Variants in ZNF280C observed in about 807,000 individuals in gnomAD.
ZNF280C encodes the protein suppressor of hairy wing homolog 3.
In ZNF280C, 14 loss-of-function variants were observed where a neutral mutation model predicts 53.6. That is an observed-to-expected ratio of 0.26 (90% CI 0.17 to 0.41). The LOEUF (loss-of-function observed/expected upper bound fraction) is 0.41. Ranked by LOEUF, ZNF280C falls within the 10% of genes least tolerant of loss-of-function variation. The pLI is 1.00. For synonymous variants in ZNF280C, 203 were observed against 181.1 expected, an observed-to-expected ratio of 1.12 and a Z score of -0.97; for missense variants, 416 against 547.1, an observed-to-expected ratio of 0.76 and a Z score of 2.39.
Position 130,232,030 on chromosome X carries a change from A to C in ZNF280C, c.772-1303T>G, listed in dbSNP as rs1366225106. On this transcript the variant is annotated intron_variant, in intron 8 of 18. Coordinates refer to ENST00000370978, the MANE Select transcript of ZNF280C (RefSeq NM_017666.5). ...TGACAGAGCAAGACTCCGTCTCAAA[A>C]AAAAAAAAAAGCTTAAAAGGTAGTT... Among the ~76,000 whole-genome samples, 6 of 107,874 alleles carry C rather than the reference A, an allele frequency of 5.6e-5. No individual in the cohort carries two copies. In the Admixed American group the frequency reaches 6.1e-4, roughly 11 times the overall value. 93.7% of individuals were successfully genotyped at this position (107,874 alleles called of 115,157 possible).
Position 130,203,404 on chromosome X carries a change from C to T in ZNF280C, c.*1573G>A, listed in dbSNP as rs1312713303. ...GGGTGCAGTGGCTCACACCTGTAATCCCAGCACTTTGGGAGGACGAGGCGG... is the reference window on the plus strand; with the variant it reads ...GGGTGCAGTGGCTCACACCTGTAATTCCAGCACTTTGGGAGGACGAGGCGG... On this transcript the variant is annotated 3_prime_UTR_variant, in exon 19 of 19. Coordinates refer to ENST00000370978, the MANE Select transcript of ZNF280C (RefSeq NM_017666.5). The T allele has an allele frequency of 2.7e-5, 3 of 111,798 alleles. No homozygotes were observed. Among genetic ancestry groups the T allele is most frequent in the Non-Finnish European group, 5.6e-5 (3 of 53,108 alleles). The allele number at this position is 111,798 out of a possible 1,213,427, so 9.2% of individuals were successfully genotyped here.
At position 130,243,551 on chromosome X, in the gene ZNF280C, A is replaced by G. The variant is rs770800802; in HGVS notation, c.381+12T>C. 2 of 1,196,728 alleles carry G rather than the reference A, an allele frequency of 1.7e-6. No individual in the cohort carries two copies. The highest frequency in any genetic ancestry group is 1.1e-6 in the Non-Finnish European group (1 of 887,709). ...GTCCCTGAATTAATTGTGTAATTTT[A>G]TAAACACTTACAGGTTTAGACGCAT... On this transcript the variant is annotated intron_variant, in intron 5 of 18. Transcript: ENST00000370978.
chrX:130,244,076 G>A lies in ZNF280C; in HGVS notation c.179-211C>T, dbSNP rs947718761. ...GCCACATTCACACCTCTAAAAATCT[G>A]GAAGTTTCATGATGGGAGGGCTGAC... On this transcript the variant is annotated intron_variant, in intron 3 of 18. Coordinates refer to ENST00000370978, the MANE Select transcript of ZNF280C (RefSeq NM_017666.5). Among the ~76,000 whole-genome samples the A allele has an allele frequency of 1.7e-4, 19 of 111,548 alleles. No homozygotes were observed. The Admixed American group carries it at 1.8e-3, about 11-fold the overall frequency.
chrX:130,265,650 G>A (rs896285237), intron 1 of ZNF280C, among the ~76,000 whole-genome samples: 21 of 111,975 alleles, frequency 1.9e-4, no homozygotes, highest in Non-Finnish European at 3.6e-4. Flanking sequence ...GGAATTTCTG[G>A]TCTACCACTT....
rs116175461 is a variant in ZNF280C at position 130,237,133 on chromosome X, C to T, written c.494-494G>A. ...AACATTTTTAATGTTTTTTAAAAAA[C>T]TTAAGATGTGTAATGGAAAATTCAA... On this transcript the variant is annotated intron_variant, in intron 6 of 18. Coordinates refer to ENST00000370978, the MANE Select transcript of ZNF280C (RefSeq NM_017666.5). Among the ~76,000 whole-genome samples, 815 of 111,589 alleles carry T rather than the reference C, an allele frequency of 7.3e-3. 11 individuals carry two copies. The highest frequency in any genetic ancestry group is 0.025 in the African/African-American group (774 of 30,886).
chrX:130,222,859 C>G (rs1302878416), intron 12 of ZNF280C, among the ~76,000 whole-genome samples: 2 of 110,924 alleles, frequency 1.8e-5, no homozygotes, highest in Non-Finnish European at 3.8e-5. Context: ...TGGGGCAGGG[C>G]TGGTCTCGAA....
intron 1 of ZNF280C, among the ~76,000 whole-genome samples, chrX:130,265,383 T>A (rs889904932): frequency 8.9e-6 from 1 of 112,355 alleles, no homozygotes; most frequent in African/African-American, 3.2e-5. Context: ...TACGCTTTTA[T>A]TATAATTCAT....
chrX:130,246,818 C>A, intron 3 of ZNF280C, 41 bp downstream of exon 3: 1 of 1,190,019 alleles, frequency 8.4e-7, no homozygotes. Context: ...TTAGAAACAA[C>A]CATCTTATGA....
At chrX:130,218,024 T>C (rs893896632) in intron 13 of ZNF280C, among the ~76,000 whole-genome samples, 1 of 111,201 alleles carries the variant, frequency 9.0e-6, no homozygotes, top group Non-Finnish European at 1.9e-5. Flanking sequence ...TAGCTGGGCA[T>C]GGTGACATCC....
intron 2 of ZNF280C, among the ~76,000 whole-genome samples, chrX:130,252,237 G>A (rs2032521226): frequency 8.9e-6 from 1 of 112,402 alleles, no homozygotes. Context: ...ACCGAATACA[G>A]CAGCACATCA....
chrX:130,264,043 AAAAGAAAGAAAGAAAG>A (rs766511417), intron 1 of ZNF280C, among the ~76,000 whole-genome samples: 16 of 103,007 alleles, frequency 1.6e-4, no homozygotes, highest in African/African-American at 5.5e-4. Context: ...AAAAAAAAAG[AAAAGAAAGAAAGAAAG>A]AAAGAAAGAA....
At chrX:130,218,426 CAT>C (rs1173307398) in intron 13 of ZNF280C, among the ~76,000 whole-genome samples, 2 of 111,481 alleles carry the variant, frequency 1.8e-5, no homozygotes, top group Non-Finnish European at 3.8e-5. Flanking sequence ...TTAATGGTAA[CAT>C]ATAAAATTTA....
chrX:130,241,849 C>T (rs1402481316), intron 5 of ZNF280C, among the ~76,000 whole-genome samples: 1 of 111,348 alleles, frequency 9.0e-6, no homozygotes, highest in Non-Finnish European at 1.9e-5. Flanking sequence ...GATTGAAATA[C>T]CAGATCCATC....
At chrX:130,212,881 C>A (rs1445440281) in intron 15 of ZNF280C, among the ~76,000 whole-genome samples, 2 of 110,723 alleles carry the variant, frequency 1.8e-5, no homozygotes, top group Non-Finnish European at 3.8e-5. Context: ...ACAGGGTTAA[C>A]TTAAAAAAAG....
chrX:130,259,486 C>T (rs209222), intron 2 of ZNF280C, among the ~76,000 whole-genome samples: 59,631 of 110,826 alleles, frequency 0.54, 13,039 homozygotes, highest in African/African-American at 0.85. Flanking sequence ...GATATGCTAC[C>T]GAGCAAAAAA....
chrX:130,236,901 T>C (rs1215280116), intron 6 of ZNF280C, among the ~76,000 whole-genome samples: 1 of 111,041 alleles, frequency 9.0e-6, no homozygotes, highest in Non-Finnish European at 1.9e-5. Context: ...AAACTTTATA[T>C]ACCCAAATTC....
chrX:130,228,407 C>T (rs1006435214), intron 10 of ZNF280C, among the ~76,000 whole-genome samples: 7 of 109,416 alleles, frequency 6.4e-5, no homozygotes, highest in Admixed American at 9.8e-5. Context: ...CCTCAGTCTC[C>T]CAAGTAGCTG....
At chrX:130,231,420 G>A (rs959420590) in intron 8 of ZNF280C, among the ~76,000 whole-genome samples, 1 of 112,071 alleles carries the variant, frequency 8.9e-6, no homozygotes, top group Non-Finnish European at 1.9e-5. Flanking sequence ...CAACATGGAT[G>A]CAGCTGGAGG....
intron 1 of ZNF280C, among the ~76,000 whole-genome samples, chrX:130,261,418 A>G (rs1290390996): frequency 8.9e-6 from 1 of 112,667 alleles, no homozygotes; most frequent in African/African-American, 3.2e-5. Flanking sequence ...GAGCTAATTC[A>G]GTCTCCACAT....
Sources: allele counts gnomAD v4.1 joint callset (sites outside exome capture counted in the v4.1 genomes callset), GRCh38; gene constraint gnomAD v4.1.1; transcripts MANE v1.5; gene names NCBI Gene and HGNC (gene_info 2026-07-23, HGNC 2026-07-21).